FAM193A: variants seen among roughly 807,000 people sequenced by gnomAD.
The protein encoded by FAM193A is protein FAM193A.
A neutral mutation model predicts 126.5 loss-of-function variants in FAM193A; 22 were observed. The ratio of observed to expected loss-of-function variants is 0.17; its 90% CI spans 0.12 to 0.25. The LOEUF (loss-of-function observed/expected upper bound fraction) is 0.25, where lower values mean the gene tolerates loss of function less well. Ranked by LOEUF, FAM193A falls within the 10% of genes least tolerant of loss-of-function variation. The pLI, the probability that FAM193A is intolerant of heterozygous loss-of-function variation, is 1.00. For synonymous variants in FAM193A, 761 were observed against 646.8 expected, an observed-to-expected ratio of 1.18 and a Z score of -2.68; for missense variants, 1,675 against 1,672.8, an observed-to-expected ratio of 1.00 and a Z score of -0.02.
intron 13 of FAM193A, among the ~76,000 whole-genome samples, chr4:2,685,631 G>A (rs916349802): frequency 6.6e-6 from 1 of 152,104 alleles, no homozygotes; most frequent in Admixed American, 6.6e-5. Context: ...TAACCTTTTC[G>A]TTACTGGGGA....
intron 1 of FAM193A, among the ~76,000 whole-genome samples, chr4:2,570,038 C>G (rs1020604183): frequency 7.1e-6 from 1 of 141,744 alleles, no homozygotes; most frequent in Non-Finnish European, 1.5e-5. Flanking sequence ...TCAAATACAT[C>G]TGGAGGTTTT....
At chr4:2,711,922 ATC>A (rs964853259) in intron 19 of FAM193A, among the ~76,000 whole-genome samples, 9 of 152,192 alleles carry the variant, frequency 5.9e-5, no homozygotes, top group Admixed American at 1.3e-4. Flanking sequence ...GCGAGACTCC[ATC>A]TCCAAAAAAA....
intron 1 of FAM193A, among the ~76,000 whole-genome samples, chr4:2,562,023 A>G (rs1183841374): frequency 6.6e-6 from 1 of 152,170 alleles, no homozygotes; most frequent in African/African-American, 2.4e-5. Context: ...TAAAGATCTC[A>G]GGTCATCTGT....
chr4:2,661,163 G>T (rs1252640468), intron 10 of FAM193A, among the ~76,000 whole-genome samples: 1 of 152,178 alleles, frequency 6.6e-6, no homozygotes, highest in African/African-American at 2.4e-5. Flanking sequence ...CCTTGGGCCG[G>T]AACTGCCCAT....
intron 2 of FAM193A, chr4:2,607,860 T>C (rs186768597): frequency 1.6e-6 from 1 of 643,544 alleles, no homozygotes; most frequent in Non-Finnish European, 2.6e-6. Flanking sequence ...AGCAGCTCTT[T>C]ATTGGTTGTA....
At chr4:2,693,081 C>T (rs1361448174) in intron 15 of FAM193A, among the ~76,000 whole-genome samples, 1 of 151,934 alleles carries the variant, frequency 6.6e-6, no homozygotes, top group African/African-American at 2.4e-5. Context: ...CGGAGTCTTG[C>T]TCCGTCACCC....
At chr4:2,567,882 T>C (rs916509041) in intron 1 of FAM193A, among the ~76,000 whole-genome samples, 1 of 152,184 alleles carries the variant, frequency 6.6e-6, no homozygotes, top group African/African-American at 2.4e-5. Context: ...TCCAGGTGGG[T>C]CCCTTCCTCC....
At chr4:2,546,956 A>AT (rs1032479600) in intron 1 of FAM193A, among the ~76,000 whole-genome samples, 7 of 152,208 alleles carry the variant, frequency 4.6e-5, no homozygotes, top group Admixed American at 1.3e-4. Flanking sequence ...TATTATTAAT[A>AT]TTTTTTTAGT....
chr4:2,601,859 G>A (rs1560472801), intron 2 of FAM193A, among the ~76,000 whole-genome samples: 1 of 151,952 alleles, frequency 6.6e-6, no homozygotes, highest in Non-Finnish European at 1.5e-5. Context: ...TTATTTTTAA[G>A]ATAGATTCTC....
At chr4:2,568,882 C>G (rs1378004663) in intron 1 of FAM193A, among the ~76,000 whole-genome samples, 1 of 151,000 alleles carries the variant, frequency 6.6e-6, no homozygotes, top group Non-Finnish European at 1.5e-5. Context: ...CATGGAACCT[C>G]AGAAGGTACA....
chr4:2,609,040 A>T (rs1741706352), intron 2 of FAM193A, among the ~76,000 whole-genome samples: 1 of 151,280 alleles, frequency 6.6e-6, no homozygotes, highest in African/African-American at 2.4e-5. Flanking sequence ...ACAGGCATCC[A>T]CCACCACGGC....
chr4:2,715,475 A>C, intron 19 of FAM193A: 1 of 985,208 alleles, frequency 1.0e-6, no homozygotes, highest in African/African-American at 1.7e-5. Flanking sequence ...TTTTGATGAA[A>C]TCTCTGGATG....
At position 2,646,854 on chromosome 4, in the gene FAM193A, C is replaced by T. The variant is rs199940794; in HGVS notation, c.1311+22C>T. The T allele has an allele frequency of 1.1e-5, 18 of 1,596,100 alleles. 1 individual carries two copies. Among genetic ancestry groups the T allele is most frequent in the East Asian group, 4.5e-5 (2 of 44,674 alleles). On this transcript the variant is annotated intron_variant, in intron 7 of 20. Coordinates refer to ENST00000637812, the MANE Select transcript of FAM193A (RefSeq NM_001366318.2). ...GCAGGTGAGTGCCACCCGGGACCAC[C>T]GCACCCCGCGCACATCCTCAGACGG...
chr4:2,689,163 T>C (rs185960651), intron 13 of FAM193A, among the ~76,000 whole-genome samples: 1 of 152,372 alleles, frequency 6.6e-6, no homozygotes, highest in Admixed American at 6.5e-5. Context: ...AAATGCTTGC[T>C]GAGATTAAGC....
chr4:2,560,325 A>G (rs778384079), intron 1 of FAM193A, among the ~76,000 whole-genome samples: 1 of 152,086 alleles, frequency 6.6e-6, no homozygotes, highest in Non-Finnish European at 1.5e-5. Context: ...CGCTGTCCCC[A>G]TGGGAAGCAT....
intron 2 of FAM193A, among the ~76,000 whole-genome samples, chr4:2,599,173 A>C (rs1322178168): frequency 6.6e-6 from 1 of 150,928 alleles, no homozygotes; most frequent in African/African-American, 2.4e-5. Flanking sequence ...AGACTCCCAC[A>C]CTTGACACTC....
intron 5 of FAM193A, among the ~76,000 whole-genome samples, chr4:2,637,846 A>C (rs774232503): frequency 1.3e-5 from 2 of 152,244 alleles, no homozygotes; most frequent in Non-Finnish European, 2.9e-5. Context: ...TGGCCATGCT[A>C]GGCACTCAGG....
intron 20 of FAM193A, among the ~76,000 whole-genome samples, chr4:2,716,414 T>G (rs1191558605): frequency 6.6e-6 from 1 of 151,222 alleles, no homozygotes; most frequent in Non-Finnish European, 1.5e-5. Flanking sequence ...TCTCCAGGTG[T>G]CCTGGGCCAG....
chr4:2,716,189 A>T, intron 20 of FAM193A, 85 bp downstream of exon 20: 1 of 929,460 alleles, frequency 1.1e-6, no homozygotes. Context: ...TGGCACTTCT[A>T]GTTGTCTTGG....
Sources: gnomAD v4.1 joint callset for allele counts (sites outside exome capture counted in the v4.1 genomes callset) on GRCh38, gnomAD v4.1.1 for gene constraint, MANE v1.5 for transcripts, NCBI Gene and HGNC (gene_info 2026-07-23, HGNC 2026-07-21) for gene names.